Variants in KCNIP4 observed in about 807,000 individuals in gnomAD.
KCNIP4 encodes Kv channel-interacting protein 4.
KCNIP4 carries 12 observed loss-of-function variants against 34.0 expected under a neutral mutation model. That is an observed-to-expected ratio of 0.35 (90% CI 0.23 to 0.57). The LOEUF (loss-of-function observed/expected upper bound fraction) is 0.57, where lower values mean the gene tolerates loss of function less well. Ranked by LOEUF, KCNIP4 falls within the 20% of genes least tolerant of loss-of-function variation. The probability of loss-of-function intolerance (pLI) is 0.83; values close to 1 mark genes in which losing one functional copy is unlikely to be tolerated. For synonymous variants in KCNIP4, 124 were observed against 102.2 expected, an observed-to-expected ratio of 1.21 and a Z score of -1.29; for missense variants, 238 against 311.7, an observed-to-expected ratio of 0.76 and a Z score of 1.78.
intron 1 of KCNIP4, among the ~76,000 whole-genome samples, chr4:21,051,667 C>T (rs879501062): frequency 5.9e-5 from 9 of 152,006 alleles, no homozygotes; most frequent in Non-Finnish European, 1.2e-4. Flanking sequence ...TGGCCCTGAA[C>T]ACAAAACTTT....
At chr4:21,375,156 T>C (rs1720845854) in intron 1 of KCNIP4, among the ~76,000 whole-genome samples, 2 of 146,696 alleles carry the variant, frequency 1.4e-5, no homozygotes, top group African/African-American at 5.5e-5. Context: ...TTTCTAGAGG[T>C]GCATTAGTCG....
chr4:21,699,636 G>A (rs547012597), intron 1 of KCNIP4, among the ~76,000 whole-genome samples: 64 of 152,274 alleles, frequency 4.2e-4, no homozygotes, highest in Middle Eastern at 6.8e-3. Flanking sequence ...GCCAAGCTGC[G>A]AATGAGCTTG....
At chr4:21,213,327 G>C (rs1490945167) in intron 1 of KCNIP4, among the ~76,000 whole-genome samples, 1 of 151,316 alleles carries the variant, frequency 6.6e-6, no homozygotes, top group African/African-American at 2.4e-5. Context: ...TTTGAGATGG[G>C]ATCTTGCTCT....
At chr4:21,168,267 T>C (rs1159310894) in intron 1 of KCNIP4, among the ~76,000 whole-genome samples, 1 of 152,142 alleles carries the variant, frequency 6.6e-6, no homozygotes, top group Non-Finnish European at 1.5e-5. Flanking sequence ...TCCTTATCTC[T>C]GGGGCAATGA....
chr4:20,856,861 C>T (rs1218386095), intron 2 of KCNIP4, among the ~76,000 whole-genome samples: 1 of 152,046 alleles, frequency 6.6e-6, no homozygotes, highest in Non-Finnish European at 1.5e-5. Context: ...ACCTAGTGAC[C>T]CTCACATGGG....
intron 1 of KCNIP4, among the ~76,000 whole-genome samples, chr4:20,895,221 T>C (rs534565390): frequency 7.2e-5 from 11 of 152,328 alleles, no homozygotes; most frequent in African/African-American, 2.6e-4. Flanking sequence ...TTAATTTCCT[T>C]CTCTGCCTCT....
chr4:20,875,099 AG>A (rs1455447988), intron 2 of KCNIP4, among the ~76,000 whole-genome samples: 1 of 151,624 alleles, frequency 6.6e-6, no homozygotes, highest in Non-Finnish European at 1.5e-5. Flanking sequence ...CCCAGAGAGA[AG>A]GAAAAAAAAA....
chr4:20,850,891 T>G, intron 2 of KCNIP4: 1 of 402,436 alleles, frequency 2.5e-6, no homozygotes, highest in South Asian at 6.4e-5. Flanking sequence ...TTAATGTAGA[T>G]ATTACAACCC....
intron 1 of KCNIP4, among the ~76,000 whole-genome samples, chr4:20,957,229 A>G (rs1001906127): frequency 9.2e-5 from 14 of 152,196 alleles, no homozygotes; most frequent in Admixed American, 9.2e-4. Flanking sequence ...CAGATTCCAC[A>G]GTGACCCTCT....
chr4:21,263,834 T>C (rs531387431), intron 1 of KCNIP4, among the ~76,000 whole-genome samples: 1 of 152,122 alleles, frequency 6.6e-6, no homozygotes, highest in African/African-American at 2.4e-5. Flanking sequence ...TAAATTTTTT[T>C]TCTTTTTTTG....
At chr4:21,142,398 G>A (rs571270245) in intron 1 of KCNIP4, among the ~76,000 whole-genome samples, 9 of 152,008 alleles carry the variant, frequency 5.9e-5, no homozygotes, top group Admixed American at 1.3e-4. Context: ...CAAATAGGAG[G>A]GGTTAGTTAC....
At chr4:21,087,871 T>C (rs1432888036) in intron 1 of KCNIP4, among the ~76,000 whole-genome samples, 1 of 152,208 alleles carries the variant, frequency 6.6e-6, no homozygotes, top group Non-Finnish European at 1.5e-5. Context: ...TGCTGCCTCT[T>C]ATTCCCTCAG....
intron 1 of KCNIP4, among the ~76,000 whole-genome samples, chr4:21,147,302 G>A (rs1333558503): frequency 6.6e-6 from 1 of 152,134 alleles, no homozygotes; most frequent in Non-Finnish European, 1.5e-5. Context: ...CAGTTCTCGG[G>A]GAGGCCCAGT....
intron 1 of KCNIP4, among the ~76,000 whole-genome samples, chr4:21,095,633 T>C (rs541536432): frequency 8.1e-4 from 124 of 152,288 alleles, no homozygotes; most frequent in South Asian, 1.5e-3. Context: ...GTTTCATTAG[T>C]GTGTAAGAGA....
intron 1 of KCNIP4, among the ~76,000 whole-genome samples, chr4:21,779,565 T>C (rs1719440091): frequency 6.6e-6 from 1 of 152,114 alleles, no homozygotes; most frequent in Non-Finnish European, 1.5e-5. Flanking sequence ...TATTTGTCAA[T>C]TATACCCTGA....
intron 1 of KCNIP4, among the ~76,000 whole-genome samples, chr4:21,418,249 A>G (rs1725143697): frequency 6.6e-6 from 1 of 152,156 alleles, no homozygotes; most frequent in Non-Finnish European, 1.5e-5. Context: ...AGCAGCCTGC[A>G]TCCGTGCCTT....
intron 1 of KCNIP4, among the ~76,000 whole-genome samples, chr4:21,811,702 G>A (rs1721664437): frequency 2.0e-5 from 3 of 152,202 alleles, no homozygotes; most frequent in Non-Finnish European, 4.4e-5. Context: ...AAGACTAAAT[G>A]AATGTAGTAT....
chr4:21,444,497 G>A (rs578204902), intron 1 of KCNIP4, among the ~76,000 whole-genome samples: 1 of 152,186 alleles, frequency 6.6e-6, no homozygotes, highest in South Asian at 2.1e-4. Context: ...ACATAATCCA[G>A]CATATAAACA....
At chr4:21,054,033 A>G (rs891995752) in intron 1 of KCNIP4, among the ~76,000 whole-genome samples, 5 of 152,166 alleles carry the variant, frequency 3.3e-5, no homozygotes, top group African/African-American at 1.2e-4. Flanking sequence ...GACAAAATGT[A>G]GATATTGACA....
Sources: gnomAD v4.1 joint callset for allele counts (sites outside exome capture counted in the v4.1 genomes callset) on GRCh38, gnomAD v4.1.1 for gene constraint, MANE v1.5 for transcripts, NCBI Gene and HGNC (gene_info 2026-07-23, HGNC 2026-07-21) for gene names.